DYNC2H1: variants seen among roughly 807,000 people sequenced by gnomAD.
DYNC2H1 encodes the protein cytoplasmic dynein 2 heavy chain 1.
In DYNC2H1, 410 loss-of-function variants were observed where a neutral mutation model predicts 570.0. The observed-to-expected ratio is 0.72, with a 90% CI of 0.66 to 0.78. The LOEUF is 0.78. DYNC2H1 is among the 30% of genes least tolerant of loss of function. The pLI, the probability that DYNC2H1 is intolerant of heterozygous loss-of-function variation, is 0.00. For missense variants in DYNC2H1, 4,865 were observed against 5,046.4 expected (o/e 0.96, Z 1.09); for synonymous variants, 1,688 against 1,677.6 (o/e 1.01, Z -0.15).
rs930891864 is a variant in DYNC2H1 at position 103,245,643 on chromosome 11, A to G, written c.10042+269A>G. On this transcript the variant is annotated intron_variant, in intron 65 of 88. Coordinates refer to ENST00000375735, the MANE Select transcript of DYNC2H1 (RefSeq NM_001377.3). The surrounding 1 kb of genome is among the most constrained non-coding windows in gnomAD (Gnocchi z 4.5). The stretch of plus-strand genomic sequence containing the variant: ...ACATTACAAAATTCTAGACCCCCTG[A>G]AGGAAAGCAGGTGTAGCATAAACCA... 4.6e-5 allele frequency among the ~76,000 whole-genome samples: 7 copies of G among 152,134 alleles called. No homozygotes were observed. Among genetic ancestry groups the G allele is most frequent in the African/African-American group, 1.7e-4 (7 of 41,438 alleles).
intron 73 of DYNC2H1, among the ~76,000 whole-genome samples, chr11:103,284,857 T>C (rs769384180): frequency 2.0e-5 from 3 of 152,196 alleles, no homozygotes; most frequent in Non-Finnish European, 2.9e-5. Flanking sequence ...TTCTTCACCT[T>C]TACAGATTTA....
At chr11:103,452,817 G>C (rs2135799099) in intron 85 of DYNC2H1, among the ~76,000 whole-genome samples, 1 of 152,046 alleles carries the variant, frequency 6.6e-6, no homozygotes, top group South Asian at 2.1e-4. Flanking sequence ...TTTGCATTCA[G>C]TAAATGCTTC....
intron 54 of DYNC2H1, among the ~76,000 whole-genome samples, chr11:103,212,972 G>T (rs1304661163): frequency 6.6e-6 from 1 of 151,878 alleles, no homozygotes; most frequent in Admixed American, 6.6e-5. Flanking sequence ...CTTTATGATG[G>T]GTGCTCAATA....
At chr11:103,350,015 A>T (rs1167640898) in intron 82 of DYNC2H1, among the ~76,000 whole-genome samples, 1 of 152,056 alleles carries the variant, frequency 6.6e-6, no homozygotes, top group Admixed American at 6.6e-5. Context: ...TCATTTTAAC[A>T]TGTTGGTATG....
intron 20 of DYNC2H1, among the ~76,000 whole-genome samples, chr11:103,150,885 G>C (rs1370876393): frequency 6.6e-6 from 1 of 152,102 alleles, no homozygotes; most frequent in African/African-American, 2.4e-5. Flanking sequence ...AAATATGTGA[G>C]GTAGGAAGTG....
At chr11:103,456,377 C>G (rs538485950) in intron 87 of DYNC2H1, 21 bp downstream of exon 87, 2 of 1,562,266 alleles carry the variant, frequency 1.3e-6, no homozygotes, top group Non-Finnish European at 1.7e-6. Flanking sequence ...AATTTTAGAT[C>G]TTGGAATCTC....
At chr11:103,213,790 C>T (rs2135128322) in intron 54 of DYNC2H1, among the ~76,000 whole-genome samples, 1 of 152,242 alleles carries the variant, frequency 6.6e-6, no homozygotes, top group East Asian at 1.9e-4. Context: ...TTTATTCACT[C>T]TGTTAATTGT....
chr11:103,268,729 T>C lies in DYNC2H1; in HGVS notation c.10695+8752T>C, dbSNP rs1354172838. On this transcript the variant is annotated intron_variant, in intron 70 of 88. Coordinates refer to ENST00000375735, the MANE Select transcript of DYNC2H1 (RefSeq NM_001377.3). This position sits in a 1 kb window ranked among gnomAD's most constrained non-coding sequence, Gnocchi z 4.6. ...TGGATATGTTATAAATAAATATTATTATTAAAAATTGTTTATGGCAAAAGA... is the reference window on the plus strand; with the variant it reads ...TGGATATGTTATAAATAAATATTATCATTAAAAATTGTTTATGGCAAAAGA... 6.6e-6 allele frequency among the ~76,000 whole-genome samples: 1 copy of C among 152,018 alleles called. No homozygotes were observed. Among genetic ancestry groups the C allele is most frequent in the East Asian group, 1.9e-4 (1 of 5,206 alleles).
chr11:103,463,846 A>G (rs1174757282), intron 87 of DYNC2H1, among the ~76,000 whole-genome samples: 2 of 152,204 alleles, frequency 1.3e-5, no homozygotes, highest in Non-Finnish European at 2.9e-5. Flanking sequence ...CTGAAAGACA[A>G]AGAAATAGCC....
intron 11 of DYNC2H1, 28 bp downstream of exon 11, chr11:103,123,028 A>G (rs1292011749): frequency 2.8e-5 from 36 of 1,303,516 alleles, no homozygotes; most frequent in Non-Finnish European, 3.4e-5. Flanking sequence ...AAACTGTAAA[A>G]TCCAAAACCA....
At chr11:103,119,565 C>T (rs1858591355) in intron 6 of DYNC2H1, among the ~76,000 whole-genome samples, 1 of 152,152 alleles carries the variant, frequency 6.6e-6, no homozygotes, top group South Asian at 2.1e-4. Context: ...GTCTTGAACT[C>T]CTGACCTCAG....
Position 103,201,069 on chromosome 11 carries a change from C to T in DYNC2H1, c.8197+915C>T, listed in dbSNP as rs137855897. Among the ~76,000 whole-genome samples, 1,416 of 152,228 alleles carry T rather than the reference C, an allele frequency of 9.3e-3. 19 individuals are homozygous for T. The highest frequency in any genetic ancestry group is 0.032 in the African/African-American group (1,341 of 41,528). ...CTCGAACTCCTGACTTCAGGTGATCCTCCCGCCTTGGCCTCCCAAAGTGCT... is the reference window on the plus strand; with the variant it reads ...CTCGAACTCCTGACTTCAGGTGATCTTCCCGCCTTGGCCTCCCAAAGTGCT... On this transcript the variant is annotated intron_variant, in intron 50 of 88. Transcript: ENST00000375735. This position sits in a 1 kb window ranked among gnomAD's most constrained non-coding sequence, Gnocchi z 4.8.
At position 103,163,240 on chromosome 11, in the gene DYNC2H1, T is replaced by C. The variant is rs553477503; in HGVS notation, c.4611+93T>C. On this transcript the variant is annotated intron_variant, in intron 30 of 88. Coordinates refer to ENST00000375735, the MANE Select transcript of DYNC2H1 (RefSeq NM_001377.3). The surrounding 1 kb of genome is among the most constrained non-coding windows in gnomAD (Gnocchi z 4.6). ...GGAGGCTCAGATAAATCGCATCTGT[T>C]TTCTCCCTTTATCTAACAGTTAACG... 7.2e-7 allele frequency: 1 copy of C among 1,397,842 alleles called. No individual in the cohort carries two copies. The highest frequency in any genetic ancestry group is 2.3e-5 in the Admixed American group (1 of 42,588). 86.6% of individuals were successfully genotyped at this position (1,397,842 alleles called of 1,614,324 possible).
At chr11:103,338,430 A>G (rs907444459) in intron 82 of DYNC2H1, among the ~76,000 whole-genome samples, 2 of 152,090 alleles carry the variant, frequency 1.3e-5, no homozygotes, top group African/African-American at 2.4e-5. Flanking sequence ...ATATTTTGGT[A>G]GGGATTGCAC....
intron 56 of DYNC2H1, 79 bp downstream of exon 56, chr11:103,220,107 C>G: frequency 1.3e-6 from 1 of 792,860 alleles, no homozygotes; most frequent in Non-Finnish European, 1.8e-6. Context: ...TTATTTGTAA[C>G]TCAAGTTGTT....
At chr11:103,458,129 C>T (rs1043226653) in intron 87 of DYNC2H1, among the ~76,000 whole-genome samples, 2 of 152,180 alleles carry the variant, frequency 1.3e-5, no homozygotes, top group Non-Finnish European at 2.9e-5. Context: ...GAGCAACTTG[C>T]ATTCTTTCAA....
intron 80 of DYNC2H1, among the ~76,000 whole-genome samples, chr11:103,318,900 T>G (rs1010918377): frequency 6.6e-6 from 1 of 152,134 alleles, no homozygotes; most frequent in Non-Finnish European, 1.5e-5. Context: ...GACCCAACAT[T>G]CCCCACCTCA....
chr11:103,463,625 C>T (rs1005237431), intron 87 of DYNC2H1, among the ~76,000 whole-genome samples: 6 of 152,096 alleles, frequency 3.9e-5, no homozygotes, highest in Admixed American at 2.6e-4. Context: ...GTGGTGCATG[C>T]CTGTCATCCC....
intron 75 of DYNC2H1, among the ~76,000 whole-genome samples, chr11:103,290,519 G>T (rs1443359010): frequency 6.6e-6 from 1 of 152,104 alleles, no homozygotes; most frequent in Non-Finnish European, 1.5e-5. Context: ...TCGCTTAAAT[G>T]AATAAAGGGA....
Sources: gnomAD v4.1 joint callset for allele counts (sites outside exome capture counted in the v4.1 genomes callset) on GRCh38, gnomAD v4.1.1 for gene constraint, Gnocchi (gnomAD v3.1) non-coding constraint, MANE v1.5 for transcripts, NCBI Gene and HGNC (gene_info 2026-07-23, HGNC 2026-07-21) for gene names.